Variants in FRMPD2 observed in about 807,000 individuals in gnomAD.
The protein encoded by FRMPD2 is FERM and PDZ domain-containing protein 2.
FRMPD2 carries 96 observed loss-of-function variants against 140.1 expected under a neutral mutation model. The ratio of observed to expected loss-of-function variants is 0.69; its 90% CI spans 0.58 to 0.81. FRMPD2 has a LOEUF of 0.81. Ranked by LOEUF, FRMPD2 falls within the 40% of genes least tolerant of loss-of-function variation. The probability of loss-of-function intolerance (pLI) is 0.00; values close to 1 mark genes in which losing one functional copy is unlikely to be tolerated. For synonymous variants in FRMPD2, 449 were observed against 547.6 expected (o/e 0.82, Z 2.52); for missense variants, 1,240 against 1,447.4 (o/e 0.86, Z 2.32).
intron 7 of FRMPD2, among the ~76,000 whole-genome samples, chr10:48,238,518 A>G (rs1168807289): frequency 6.6e-6 from 1 of 152,234 alleles, no homozygotes; most frequent in Non-Finnish European, 1.5e-5. Context: ...TGTTTAAGGA[A>G]TCAGGGGGTA....
chr10:48,234,422 G>A (rs1305213199), intron 9 of FRMPD2, among the ~76,000 whole-genome samples: 1 of 152,132 alleles, frequency 6.6e-6, no homozygotes, highest in African/African-American at 2.4e-5. Flanking sequence ...TGTTTCCCAC[G>A]GGACAGCCAT....
At chr10:48,263,058 A>G (rs1250176332) in intron 1 of FRMPD2, among the ~76,000 whole-genome samples, 3 of 152,194 alleles carry the variant, frequency 2.0e-5, no homozygotes, top group Non-Finnish European at 4.4e-5. Context: ...ACACACTTCT[A>G]AACAGCAAAT....
intron 28 of FRMPD2, among the ~76,000 whole-genome samples, chr10:48,162,205 G>A (rs1322664125): frequency 2.2e-5 from 3 of 133,834 alleles, no homozygotes; most frequent in Admixed American, 7.7e-5. Context: ...ATCAGACAAC[G>A]AAAGTGAATA....
At chr10:48,210,072 T>C (rs1347542458) in intron 13 of FRMPD2, among the ~76,000 whole-genome samples, 2 of 152,170 alleles carry the variant, frequency 1.3e-5, no homozygotes, top group African/African-American at 2.4e-5. Flanking sequence ...TAAATGTAAC[T>C]GTGCTATCTC....
intron 3 of FRMPD2, among the ~76,000 whole-genome samples, chr10:48,247,707 G>A (rs477761): frequency 0.044 from 6,741 of 152,292 alleles, 500 homozygotes; most frequent in African/African-American, 0.15. Context: ...TTGCATTGGC[G>A]TGGTCCTTTA....
intron 17 of FRMPD2, among the ~76,000 whole-genome samples, chr10:48,186,010 G>A (rs1838676566): frequency 6.6e-6 from 1 of 152,234 alleles, no homozygotes; most frequent in Admixed American, 6.5e-5. Context: ...TAATTGCTGA[G>A]AGTCAAAACA....
chr10:48,171,607 TA>T (rs1179520697), intron 25 of FRMPD2, among the ~76,000 whole-genome samples: 170 of 152,374 alleles, frequency 1.1e-3, no homozygotes, highest in African/African-American at 4.0e-3. Context: ...ATTAACGAGA[TA>T]TTTTTTATTC....
At chr10:48,214,824 A>G (rs1839408935) in intron 12 of FRMPD2, among the ~76,000 whole-genome samples, 1 of 152,220 alleles carries the variant, frequency 6.6e-6, no homozygotes, top group Non-Finnish European at 1.5e-5. Context: ...CCCACAATAC[A>G]AGAATGAAGA....
chr10:48,188,603 C>A (rs966448398), intron 16 of FRMPD2, among the ~76,000 whole-genome samples: 4 of 152,214 alleles, frequency 2.6e-5, no homozygotes, highest in Non-Finnish European at 5.9e-5. Context: ...TTTCATGCCT[C>A]CTAGAGCCAA....
intron 21 of FRMPD2, among the ~76,000 whole-genome samples, chr10:48,178,595 A>G (rs1386337688): frequency 1.3e-5 from 2 of 152,038 alleles, no homozygotes; most frequent in African/African-American, 4.8e-5. Flanking sequence ...AAAGTCCACC[A>G]TACCACAGAG....
chr10:48,235,692 G>C (rs543633470), intron 9 of FRMPD2, among the ~76,000 whole-genome samples: 2 of 152,354 alleles, frequency 1.3e-5, no homozygotes, highest in South Asian at 4.1e-4. Context: ...AGCCCTGGGG[G>C]TTGGGGAGAT....
At chr10:48,263,610 A>G (rs1353970620) in intron 1 of FRMPD2, among the ~76,000 whole-genome samples, 1 of 152,164 alleles carries the variant, frequency 6.6e-6, no homozygotes, top group Non-Finnish European at 1.5e-5. Context: ...GAAATAGATC[A>G]TCTAAGTATG....
At chr10:48,219,054 A>G (rs1289049400) in intron 12 of FRMPD2, among the ~76,000 whole-genome samples, 1 of 152,056 alleles carries the variant, frequency 6.6e-6, no homozygotes, top group Admixed American at 6.5e-5. Context: ...CAGGAACTCT[A>G]GGGGGTTGGT....
chr10:48,185,894 C>G (rs557715503), intron 17 of FRMPD2, among the ~76,000 whole-genome samples: 10 of 152,290 alleles, frequency 6.6e-5, no homozygotes, highest in Middle Eastern at 3.4e-3. Flanking sequence ...AGAGCAGAGG[C>G]AAGAACAGGA....
intron 1 of FRMPD2, among the ~76,000 whole-genome samples, chr10:48,271,816 A>G (rs970748179): frequency 6.6e-6 from 1 of 152,246 alleles, no homozygotes; most frequent in African/African-American, 2.4e-5. Context: ...TGGCTGGAAG[A>G]GCAGGCTCCG....
chr10:48,247,893 A>G (rs1004260027), intron 3 of FRMPD2, among the ~76,000 whole-genome samples: 1 of 152,174 alleles, frequency 6.6e-6, no homozygotes, highest in Non-Finnish European at 1.5e-5. Flanking sequence ...CTGGCAGTGT[A>G]AGAAGGTATG....
At chr10:48,199,077 T>A (rs148614429) in intron 15 of FRMPD2, among the ~76,000 whole-genome samples, 2 of 152,160 alleles carry the variant, frequency 1.3e-5, no homozygotes, top group Non-Finnish European at 2.9e-5. Context: ...CAATAGACAC[T>A]GTGGACTACT....
At chr10:48,265,033 A>G (rs1010609399) in intron 1 of FRMPD2, among the ~76,000 whole-genome samples, 1 of 152,232 alleles carries the variant, frequency 6.6e-6, no homozygotes, top group African/African-American at 2.4e-5. Context: ...CCAATGGAAC[A>G]GAATAGACAG....
At chr10:48,244,953 C>G in intron 3 of FRMPD2, 104 bp from the exon 4 acceptor site, 2 of 878,700 alleles carry the variant, frequency 2.3e-6, no homozygotes. Flanking sequence ...ACACTGTTGT[C>G]TGGCGAGTCT....
Sources: allele counts gnomAD v4.1 joint callset (sites outside exome capture counted in the v4.1 genomes callset), GRCh38; gene constraint gnomAD v4.1.1; transcripts MANE v1.5; gene names NCBI Gene and HGNC (gene_info 2026-07-23, HGNC 2026-07-21).